DOCK1: variants seen among roughly 807,000 people sequenced by gnomAD.
DOCK1 encodes the protein dedicator of cytokinesis 1.
In DOCK1, 138 loss-of-function variants were observed where a neutral mutation model predicts 262.7. The ratio of observed to expected loss-of-function variants is 0.53; its 90% CI spans 0.46 to 0.61. DOCK1 has a LOEUF of 0.61. Among genes scored for constraint, DOCK1 ranks in the 20% least tolerant of loss-of-function variants. The pLI, the probability that DOCK1 is intolerant of heterozygous loss-of-function variation, is 0.00. For synonymous variants in DOCK1, 866 were observed against 867.4 expected (o/e 1.00, Z 0.03); for missense variants, 1,908 against 2,370.7 (o/e 0.80, Z 4.05).
Position 126,991,559 on chromosome 10 carries a change from C to T in DOCK1, c.473+956C>T, listed in dbSNP as rs117952869. On this transcript the variant is annotated intron_variant, in intron 6 of 51. Coordinates refer to ENST00000623213, the MANE Select transcript of DOCK1 (RefSeq NM_001290223.2). ...TTTGTTTTTTTTTGAGATGGAGTTTCGGCCTTGTTGCCCAGACTGTAGTGC... is the reference window on the plus strand; with the variant it reads ...TTTGTTTTTTTTTGAGATGGAGTTTTGGCCTTGTTGCCCAGACTGTAGTGC... Among the ~76,000 whole-genome samples, 962 of 151,208 alleles carry T rather than the reference C, an allele frequency of 6.4e-3. 47 individuals are homozygous for T. In the East Asian group the frequency reaches 0.12, roughly 19 times the overall value.
chr10:127,246,394 G>A (rs1410390827), intron 27 of DOCK1, among the ~76,000 whole-genome samples: 2 of 152,176 alleles, frequency 1.3e-5, no homozygotes, highest in Non-Finnish European at 2.9e-5. Flanking sequence ...TTATTAAGAC[G>A]ATTATCCACG....
Position 127,248,539 on chromosome 10 carries a change from A to G in DOCK1, c.2949+430A>G, listed in dbSNP as rs567987031. Among the ~76,000 whole-genome samples the G allele has an allele frequency of 6.7e-4, 102 of 152,354 alleles. 1 individual carries two copies. The highest frequency in any genetic ancestry group is 2.4e-3 in the African/African-American group (100 of 41,584). Reference sequence around the variant, plus strand: ...ATTATTAATTAGCTGTAATCATGGAAGCTCATCAGCATTTCTCCAAATAAT... The same window carrying G: ...ATTATTAATTAGCTGTAATCATGGAGGCTCATCAGCATTTCTCCAAATAAT... On this transcript the variant is annotated intron_variant, in intron 28 of 51. Coordinates refer to ENST00000623213, the MANE Select transcript of DOCK1 (RefSeq NM_001290223.2).
In DOCK1 at chr10:127,024,806, A is replaced by AT. The variant is rs553295653; in HGVS notation, c.1551+24dup. ...AAGGTATTATTTACATGGTCATTTT[A>AT]TCACATGGCGCTGATTATGAAATGC... On this transcript the variant is annotated intron_variant, in intron 15 of 51. Transcript: ENST00000623213. 117 of 1,562,750 alleles carry AT rather than the reference A, an allele frequency of 7.5e-5. 2 individuals are homozygous for AT. The South Asian group carries it at 1.3e-3, about 17-fold the overall frequency.
chr10:127,141,684 A>G (rs554195038), intron 27 of DOCK1, among the ~76,000 whole-genome samples: 2 of 152,096 alleles, frequency 1.3e-5, no homozygotes, highest in African/African-American at 2.4e-5. Context: ...AACAAAAAAA[A>G]AAAAAAAGCA....
At chr10:126,963,767 A>T (rs1018311730) in intron 1 of DOCK1, among the ~76,000 whole-genome samples, 40,815 of 150,644 alleles carry the variant, frequency 0.27, 6,461 homozygotes, top group East Asian at 0.55. Context: ...TGTCCTTGAG[A>T]GGCTCACAGT....
intron 27 of DOCK1, among the ~76,000 whole-genome samples, chr10:127,194,308 T>C (rs1052202795): frequency 6.6e-6 from 1 of 152,236 alleles, no homozygotes; most frequent in Non-Finnish European, 1.5e-5. Context: ...ATGTAAGTAG[T>C]AAACATGGAT....
Position 127,012,405 on chromosome 10 carries a change from C to A in DOCK1, c.1201+31C>A. ...TATTTTCCTATTTTGTTTCTATCAG[C>A]GTGTATTTGCATGCGTTGGGGCAGT... is the stretch of plus-strand genomic sequence containing the variant. On this transcript the variant is annotated intron_variant, in intron 12 of 51. Transcript: ENST00000623213. This position sits in a 1 kb window ranked among gnomAD's most constrained non-coding sequence, Gnocchi z 4.0. The A allele has an allele frequency of 1.2e-6, 2 of 1,608,592 alleles. No homozygotes were observed. Among genetic ancestry groups the A allele is most frequent in the Non-Finnish European group, 1.7e-6 (2 of 1,175,470 alleles).
intron 27 of DOCK1, among the ~76,000 whole-genome samples, chr10:127,140,028 G>T (rs115456269): frequency 1.8e-3 from 270 of 152,248 alleles, no homozygotes; most frequent in African/African-American, 6.1e-3. Flanking sequence ...GTATAGAAGC[G>T]TAATTCTACC....
rs75215119 is a variant in DOCK1 at position 127,390,567 on chromosome 10, G to A, written c.3927+5658G>A. On this transcript the variant is annotated intron_variant, in intron 38 of 51. Coordinates refer to ENST00000623213, the MANE Select transcript of DOCK1 (RefSeq NM_001290223.2). The stretch of plus-strand genomic sequence containing the variant: ...TTAGGATACAGACACACACAGGGAA[G>A]ACCATATTGAGGATACAGCAAGAAG... Among the ~76,000 whole-genome samples the A allele has an allele frequency of 5.6e-4, 86 of 152,234 alleles. 1 individual carries two copies. The East Asian group carries it at 0.016, about 28-fold the overall frequency.
chr10:127,417,138 A>G (rs2068204895), intron 44 of DOCK1, among the ~76,000 whole-genome samples: 1 of 152,238 alleles, frequency 6.6e-6, no homozygotes, highest in Non-Finnish European at 1.5e-5. Flanking sequence ...AAAGCCGGAC[A>G]TGAAGATACC....
At chr10:127,231,612 TTAGC>T (rs1480448787) in intron 27 of DOCK1, among the ~76,000 whole-genome samples, 1 of 152,092 alleles carries the variant, frequency 6.6e-6, no homozygotes, top group African/African-American at 2.4e-5. Context: ...AGAGTGCCAT[TTAGC>T]TAGAGGCTTG....
At position 127,210,530 on chromosome 10, in the gene DOCK1, G is replaced by A. The variant is rs1471751638; in HGVS notation, c.2848-37478G>A. 2.6e-5 allele frequency among the ~76,000 whole-genome samples: 4 copies of A among 152,346 alleles called. No homozygotes were observed. In the East Asian group the frequency reaches 7.7e-4, roughly 29 times the overall value. ...ACCAGGAAATGCACGTCTACCAGGA[G>A]CCGAAGCAGAGGGGTTTCTTTTTCC... is the stretch of plus-strand genomic sequence containing the variant. On this transcript the variant is annotated intron_variant, in intron 27 of 51. Coordinates refer to ENST00000623213, the MANE Select transcript of DOCK1 (RefSeq NM_001290223.2).
chr10:127,421,422 CAT>C lies in DOCK1; in HGVS notation c.4776+1675_4776+1676del, dbSNP rs552153945. Among the ~76,000 whole-genome samples, 238 of 152,228 alleles carry C rather than the reference CAT, an allele frequency of 1.6e-3. 1 individual carries two copies. The highest frequency in any genetic ancestry group is 5.5e-3 in the African/African-American group (229 of 41,546). On this transcript the variant is annotated intron_variant, in intron 46 of 51. Transcript: ENST00000623213. The stretch of plus-strand genomic sequence containing the variant: ...CTAAGTGCTTATACTGATATGTAAA[CAT>C]AATATACATTATGTATATATTATAA...
At chr10:127,363,913 T>C (rs2064740947) in intron 33 of DOCK1, among the ~76,000 whole-genome samples, 1 of 152,160 alleles carries the variant, frequency 6.6e-6, no homozygotes, top group South Asian at 2.1e-4. Context: ...ATCTTTTAAG[T>C]CTCCAATTCA....
At chr10:127,065,516 A>G (rs6482987) in intron 23 of DOCK1, among the ~76,000 whole-genome samples, 140,475 of 152,174 alleles carry the variant, frequency 0.92, 64,838 homozygotes, top group South Asian at 0.95. Flanking sequence ...GGGTGTACAG[A>G]TGCCTCTTGA....
intron 27 of DOCK1, among the ~76,000 whole-genome samples, chr10:127,238,957 G>A (rs560609265): frequency 6.6e-6 from 1 of 152,268 alleles, no homozygotes; most frequent in South Asian, 2.1e-4. Context: ...GACCCATTTA[G>A]GGAAGCTTCA....
chr10:127,241,052 G>A (rs1159040085), intron 27 of DOCK1, among the ~76,000 whole-genome samples: 2 of 152,098 alleles, frequency 1.3e-5, no homozygotes, highest in Admixed American at 6.5e-5. Context: ...GGCTGGGCGC[G>A]GTGGCTCACG....
intron 29 of DOCK1, among the ~76,000 whole-genome samples, chr10:127,259,615 G>C (rs185943605): frequency 6.6e-6 from 1 of 152,150 alleles, no homozygotes; most frequent in Non-Finnish European, 1.5e-5. Context: ...GACCTTCTGG[G>C]TCTCCCAGCA....
intron 23 of DOCK1, among the ~76,000 whole-genome samples, chr10:127,085,313 A>G (rs529287220): frequency 2.6e-5 from 4 of 152,328 alleles, no homozygotes; most frequent in South Asian, 4.1e-4. Context: ...ATGGAGCTCT[A>G]TCAGTGGGCA....
Sources: allele counts gnomAD v4.1 joint callset (sites outside exome capture counted in the v4.1 genomes callset), GRCh38; gene constraint gnomAD v4.1.1; non-coding constraint Gnocchi (gnomAD v3.1); transcripts MANE v1.5; gene names NCBI Gene and HGNC (gene_info 2026-07-23, HGNC 2026-07-21).